CSMD1: variants seen among roughly 807,000 people sequenced by gnomAD.
CSMD1 encodes the protein CUB and sushi domain-containing protein 1.
CSMD1 carries 213 observed loss-of-function variants against 417.5 expected under a neutral mutation model. The ratio of observed to expected loss-of-function variants is 0.51; its 90% CI spans 0.46 to 0.57. The LOEUF is 0.57. Ranked by LOEUF, CSMD1 falls within the 20% of genes least tolerant of loss-of-function variation. CSMD1 has a pLI of 0.00. For missense variants in CSMD1, 6,923 were observed against 4,529.7 expected, an observed-to-expected ratio of 1.53 and a Z score of -15.17; for synonymous variants, 2,862 against 1,736.8, an observed-to-expected ratio of 1.65 and a Z score of -16.11.
chr8:3,422,116 T>C lies in CSMD1; in HGVS notation c.1562-12511A>G, dbSNP rs79753328. 1.6e-3 allele frequency among the ~76,000 whole-genome samples: 239 copies of C among 152,172 alleles called. 4 individuals are homozygous for C. The East Asian group carries it at 0.034, about 21-fold the overall frequency. On this transcript the variant is annotated intron_variant, in intron 12 of 69. Transcript: ENST00000635120. The stretch of plus-strand genomic sequence containing the variant: ...ACCCTTCCCATGACTAGATGATCAA[T>C]GAAATCTCCAAGGTCACTCTACTCT...
chr8:3,697,125 A>G (rs1219606534), intron 7 of CSMD1, among the ~76,000 whole-genome samples: 1 of 152,194 alleles, frequency 6.6e-6, no homozygotes, highest in Non-Finnish European at 1.5e-5. Context: ...TAATCAGCAT[A>G]ATCATCATTC....
At chr8:2,949,268 T>A in intron 68 of CSMD1, 31 bp downstream of exon 68, 2 of 1,265,756 alleles carry the variant, frequency 1.6e-6, no homozygotes, top group African/African-American at 3.0e-5. Context: ...AACTGATATT[T>A]GCTTTAAAAT....
chr8:4,679,670 A>C (rs528683769), intron 1 of CSMD1, among the ~76,000 whole-genome samples: 1 of 152,218 alleles, frequency 6.6e-6, no homozygotes, highest in African/African-American at 2.4e-5. Flanking sequence ...AGGATCAAAC[A>C]ACATAACTAT....
chr8:2,966,347 C>A (rs1322502999), intron 58 of CSMD1, among the ~76,000 whole-genome samples: 1 of 152,120 alleles, frequency 6.6e-6, no homozygotes, highest in Non-Finnish European at 1.5e-5. Flanking sequence ...CAATGTTTGA[C>A]TGAACTGGCC....
chr8:3,671,452 T>C lies in CSMD1; in HGVS notation c.1009+36962A>G, dbSNP rs1799030448. On this transcript the variant is annotated intron_variant, in intron 7 of 69. Transcript: ENST00000635120. ...ATATATAGTCACATATAATCATATATATAATCATACACATATAATCATATA... is the reference window on the plus strand; with the variant it reads ...ATATATAGTCACATATAATCATATACATAATCATACACATATAATCATATA... Among the ~76,000 whole-genome samples, 5 of 143,684 alleles carry C rather than the reference T, an allele frequency of 3.5e-5. No individual in the cohort carries two copies. In the South Asian group the frequency reaches 8.6e-4, roughly 25 times the overall value. The allele number at this position is 143,684 out of a possible 152,430, so 94.3% of individuals were successfully genotyped here.
At chr8:3,169,797 A>G (rs1820466537) in intron 37 of CSMD1, among the ~76,000 whole-genome samples, 1 of 152,116 alleles carries the variant, frequency 6.6e-6, no homozygotes, top group African/African-American at 2.4e-5. Flanking sequence ...CTTATTCTCT[A>G]ATTCCAAGTA....
chr8:3,490,300 G>A (rs895704), intron 11 of CSMD1, among the ~76,000 whole-genome samples: 2 of 151,802 alleles, frequency 1.3e-5, no homozygotes, highest in Non-Finnish European at 2.9e-5. Flanking sequence ...GAGAGAAGGC[G>A]CTAATAACAC....
chr8:3,242,633 G>A (rs1310267528), intron 26 of CSMD1, among the ~76,000 whole-genome samples: 2 of 152,120 alleles, frequency 1.3e-5, no homozygotes, highest in African/African-American at 4.8e-5. Flanking sequence ...TCAGGTGACA[G>A]TTGAAGAGGT....
rs117793332 is a variant in CSMD1 at position 3,459,887 on chromosome 8, G to C, written c.1561+8825C>G. 8.4e-3 allele frequency among the ~76,000 whole-genome samples: 1,278 copies of C among 152,180 alleles called. 8 individuals are homozygous for C. The highest frequency in any genetic ancestry group is 0.014 in the Non-Finnish European group (924 of 68,030). ...AACTAAGACTTAAAAAAAAACTGGAGTGGTCCTAAGATTATTGATAAGGGT... is the reference window on the plus strand; with the variant it reads ...AACTAAGACTTAAAAAAAAACTGGACTGGTCCTAAGATTATTGATAAGGGT... On this transcript the variant is annotated intron_variant, in intron 12 of 69. Coordinates refer to ENST00000635120, the MANE Select transcript of CSMD1 (RefSeq NM_033225.6).
intron 1 of CSMD1, among the ~76,000 whole-genome samples, chr8:4,799,147 G>A (rs141487061): frequency 1.3e-4 from 20 of 152,264 alleles, no homozygotes; most frequent in Admixed American, 5.2e-4. Context: ...CAATACATGA[G>A]AGATGTGCTT....
chr8:3,093,419 C>T (rs140022216), intron 47 of CSMD1, among the ~76,000 whole-genome samples: 4 of 152,238 alleles, frequency 2.6e-5, no homozygotes, highest in African/African-American at 7.2e-5. Context: ...GTAATCCCAG[C>T]GCTTTGGGAG....
intron 20 of CSMD1, 83 bp from the exon 21 acceptor site, chr8:3,359,423 T>C (rs10103950): frequency 0.044 from 37,142 of 836,018 alleles, 1,177 homozygotes; most frequent in Middle Eastern, 0.052. Context: ...AAAGTGCTAT[T>C]ACTAAAAAAA....
intron 5 of CSMD1, among the ~76,000 whole-genome samples, chr8:3,905,005 G>C (rs1291105496): frequency 2.0e-5 from 3 of 152,014 alleles, no homozygotes; most frequent in South Asian, 2.1e-4. Flanking sequence ...TACAAATATA[G>C]AATACTCTTC....
chr8:4,202,572 A>G (rs1242579221), intron 3 of CSMD1, among the ~76,000 whole-genome samples: 1 of 152,206 alleles, frequency 6.6e-6, no homozygotes, highest in Non-Finnish European at 1.5e-5. Flanking sequence ...TTACTCCTGT[A>G]TTCATTCAAA....
At chr8:4,275,371 G>A (rs542485834) in intron 3 of CSMD1, among the ~76,000 whole-genome samples, 1 of 152,176 alleles carries the variant, frequency 6.6e-6, no homozygotes, top group South Asian at 2.1e-4. Context: ...CAAGATTAAA[G>A]GAATCATCTT....
intron 1 of CSMD1, among the ~76,000 whole-genome samples, chr8:4,853,856 G>C (rs1490596309): frequency 6.6e-6 from 1 of 152,206 alleles, no homozygotes; most frequent in Non-Finnish European, 1.5e-5. Flanking sequence ...GTGTGACCTG[G>C]ATGCAGGACA....
intron 1 of CSMD1, among the ~76,000 whole-genome samples, chr8:4,826,924 C>G (rs1292207562): frequency 6.6e-6 from 1 of 152,088 alleles, no homozygotes; most frequent in Admixed American, 6.6e-5. Flanking sequence ...TTATCTAGTG[C>G]CAGCTTACTA....
intron 3 of CSMD1, among the ~76,000 whole-genome samples, chr8:4,144,602 G>T (rs182025174): frequency 6.6e-6 from 1 of 150,900 alleles, no homozygotes; most frequent in Non-Finnish European, 1.5e-5. Flanking sequence ...CATAAAAGAG[G>T]TGAAGACAAG....
At chr8:3,266,641 G>C (rs1317398803) in intron 26 of CSMD1, among the ~76,000 whole-genome samples, 1 of 149,486 alleles carries the variant, frequency 6.7e-6, no homozygotes, top group Non-Finnish European at 1.5e-5. Context: ...CAGGCATGGT[G>C]GCAAGCATCT....
Sources: allele counts gnomAD v4.1 joint callset (sites outside exome capture counted in the v4.1 genomes callset), GRCh38; gene constraint gnomAD v4.1.1; transcripts MANE v1.5; gene names NCBI Gene and HGNC (gene_info 2026-07-23, HGNC 2026-07-21).